Variants in CLSTN2 observed in about 807,000 individuals in gnomAD.
CLSTN2 encodes calsyntenin-2.
Under a neutral mutation model 101.2 loss-of-function variants are expected in CLSTN2, and 48 were observed. That is an observed-to-expected ratio of 0.47 (90% CI 0.38 to 0.60). The LOEUF (loss-of-function observed/expected upper bound fraction) is 0.60. Among genes scored for constraint, CLSTN2 ranks in the 20% least tolerant of loss-of-function variants. The pLI, the probability that CLSTN2 is intolerant of heterozygous loss-of-function variation, is 0.00. For missense variants in CLSTN2, 1,160 were observed against 1,238.2 expected (o/e 0.94, Z 0.95); for synonymous variants, 481 against 463.6 (o/e 1.04, Z -0.48).
chr3:139,994,348 A>G (rs994608132), intron 1 of CLSTN2, among the ~76,000 whole-genome samples: 29 of 152,206 alleles, frequency 1.9e-4, no homozygotes, highest in African/African-American at 4.8e-5. Flanking sequence ...TCATAATTCC[A>G]CATCCATGTC....
chr3:140,184,717 A>T (rs1418534126), intron 2 of CLSTN2, among the ~76,000 whole-genome samples: 1 of 152,148 alleles, frequency 6.6e-6, no homozygotes, highest in Non-Finnish European at 1.5e-5. Flanking sequence ...GCTTAACTGT[A>T]GGTCAAAATT....
chr3:140,161,915 TA>T (rs2010052968), intron 1 of CLSTN2, among the ~76,000 whole-genome samples: 2 of 152,188 alleles, frequency 1.3e-5, no homozygotes, highest in South Asian at 4.1e-4. Context: ...TGACAAAATT[TA>T]AAAATCTATA....
chr3:140,122,308 T>G (rs574096438), intron 1 of CLSTN2, among the ~76,000 whole-genome samples: 5 of 152,320 alleles, frequency 3.3e-5, no homozygotes, highest in Admixed American at 2.6e-4. Flanking sequence ...TTGGTATTTA[T>G]GAGGAGGCAA....
At chr3:140,030,335 T>C (rs1235970695) in intron 1 of CLSTN2, among the ~76,000 whole-genome samples, 1 of 152,056 alleles carries the variant, frequency 6.6e-6, no homozygotes, top group Non-Finnish European at 1.5e-5. Flanking sequence ...GAGTAGAATA[T>C]ACTTCCTAGG....
chr3:140,316,133 C>T (rs1208141731), intron 2 of CLSTN2, among the ~76,000 whole-genome samples: 1 of 152,132 alleles, frequency 6.6e-6, no homozygotes, highest in Non-Finnish European at 1.5e-5. Flanking sequence ...ATAAATGAAA[C>T]CCAGCCATGC....
At chr3:140,422,646 T>C (rs537195878) in intron 5 of CLSTN2, among the ~76,000 whole-genome samples, 35 of 151,980 alleles carry the variant, frequency 2.3e-4, no homozygotes, top group Middle Eastern at 3.4e-3. Flanking sequence ...CAAAGCAGAG[T>C]CATCTTTGTG....
chr3:140,089,038 C>G (rs921042906), intron 1 of CLSTN2, among the ~76,000 whole-genome samples: 1 of 152,042 alleles, frequency 6.6e-6, no homozygotes, highest in African/African-American at 2.4e-5. Context: ...TAAAATGGAA[C>G]TAAAAATGTA....
chr3:140,429,318 G>T (rs532904700), intron 5 of CLSTN2, among the ~76,000 whole-genome samples: 6 of 152,228 alleles, frequency 3.9e-5, no homozygotes, highest in African/African-American at 1.4e-4. Flanking sequence ...GAAATGCTGA[G>T]GATAAAAGCT....
At chr3:140,031,387 T>C (rs1284056994) in intron 1 of CLSTN2, among the ~76,000 whole-genome samples, 1 of 152,210 alleles carries the variant, frequency 6.6e-6, no homozygotes, top group African/African-American at 2.4e-5. Context: ...TAAACCCTGG[T>C]AGCCGCTTGG....
At chr3:140,147,055 G>C (rs907581138) in intron 1 of CLSTN2, among the ~76,000 whole-genome samples, 1 of 152,196 alleles carries the variant, frequency 6.6e-6, no homozygotes, top group Admixed American at 6.5e-5. Context: ...TGAATAAATG[G>C]ATGGATGAAT....
At chr3:140,119,961 C>A (rs530406393) in intron 1 of CLSTN2, among the ~76,000 whole-genome samples, 1 of 152,268 alleles carries the variant, frequency 6.6e-6, no homozygotes, top group South Asian at 2.1e-4. Context: ...AAACTCTCTC[C>A]AGCCACGTTA....
intron 2 of CLSTN2, among the ~76,000 whole-genome samples, chr3:140,359,542 T>C (rs2087705999): frequency 6.6e-6 from 1 of 152,238 alleles, no homozygotes; most frequent in African/African-American, 2.4e-5. Context: ...ATGGTTGTAA[T>C]TGTTTATAAT....
chr3:140,240,253 T>C (rs532526909), intron 2 of CLSTN2, among the ~76,000 whole-genome samples: 10 of 111,550 alleles, frequency 9.0e-5, no homozygotes, highest in East Asian at 8.4e-4. Flanking sequence ...CACATATATA[T>C]ACATATATAC....
intron 2 of CLSTN2, among the ~76,000 whole-genome samples, chr3:140,300,659 T>TA (rs2087049512): frequency 6.6e-6 from 1 of 152,092 alleles, no homozygotes; most frequent in Non-Finnish European, 1.5e-5. Flanking sequence ...AAAGGCTGAG[T>TA]AATGTCCTAG....
At chr3:139,953,361 T>C (rs1935326706) in intron 1 of CLSTN2, among the ~76,000 whole-genome samples, 1 of 152,080 alleles carries the variant, frequency 6.6e-6, no homozygotes, top group Non-Finnish European at 1.5e-5. Context: ...TGACACGCAA[T>C]TTACTCATGT....
rs377052593 is a variant in CLSTN2, at chr3:140,259,667, C to T, written c.232+83594C>T. Among the ~76,000 whole-genome samples, 3 of 152,224 alleles carry T rather than the reference C, an allele frequency of 2.0e-5. No individual in the cohort carries two copies. The East Asian group carries it at 5.8e-4, about 29-fold the overall frequency. On this transcript the variant is annotated intron_variant, in intron 2 of 16. Coordinates refer to ENST00000458420, the MANE Select transcript of CLSTN2 (RefSeq NM_022131.3). ...CAAACCCCATCTACCCGACAGGCAACTAATGATCTGATTTCTGACCCTATA... is the reference window on the plus strand; with the variant it reads ...CAAACCCCATCTACCCGACAGGCAATTAATGATCTGATTTCTGACCCTATA...
chr3:139,998,336 C>CATTTTTT (rs2006729979), intron 1 of CLSTN2, among the ~76,000 whole-genome samples: 2 of 66,814 alleles, frequency 3.0e-5, no homozygotes, highest in East Asian at 6.5e-4. Context: ...CCCCACATGC[C>CATTTTTT]TTTTTTTTTT....
chr3:140,352,165 T>C lies in CLSTN2; in HGVS notation c.233-51464T>C, dbSNP rs75472600. 9.4e-4 allele frequency among the ~76,000 whole-genome samples: 143 copies of C among 152,352 alleles called. 3 individuals carry two copies. In the East Asian group the frequency reaches 0.026, roughly 28 times the overall value. On this transcript the variant is annotated intron_variant, in intron 2 of 16. Transcript: ENST00000458420. ...CGGTTGCTGTGACATTTAAAAGAGA[T>C]GAGGTATTTACCAATACTCAGTAAG...
chr3:140,150,760 T>G (rs1034784645), intron 1 of CLSTN2, among the ~76,000 whole-genome samples: 2 of 152,108 alleles, frequency 1.3e-5, no homozygotes, highest in Non-Finnish European at 2.9e-5. Context: ...TCTCTTTCAC[T>G]GATATTGATC....
Sources: gnomAD v4.1 joint callset for allele counts (sites outside exome capture counted in the v4.1 genomes callset) on GRCh38, gnomAD v4.1.1 for gene constraint, MANE v1.5 for transcripts, NCBI Gene and HGNC (gene_info 2026-07-23, HGNC 2026-07-21) for gene names.